OGA: variants seen among roughly 807,000 people sequenced by gnomAD.
OGA encodes O-GlcNAcase, also known as protein O-GlcNAcase.
In OGA, 21 loss-of-function variants were observed where a neutral mutation model predicts 102.0. That is an observed-to-expected ratio of 0.21 (90% CI 0.15 to 0.30). The LOEUF is 0.30. OGA is among the 10% of genes least tolerant of loss of function. The pLI is 1.00. For missense variants in OGA, 765 were observed against 1,107.8 expected, an observed-to-expected ratio of 0.69 and a Z score of 4.39; for synonymous variants, 408 against 378.2, an observed-to-expected ratio of 1.08 and a Z score of -0.91.
chr10:101,807,816 C>G lies in OGA; in HGVS notation c.566G>C (p.Ser189Thr). ...NMCAADKEVF[S>T]SFAHAQVSIT... The stretch of plus-strand genomic sequence containing the variant: ...GGAGACTTGGGCATGAGCAAAAGAA[C>G]TGAATACCTCTTTGTCTGCTGCACA... Residue 189 changes from serine (S) to threonine (T), a missense_variant, in exon 5 of 16, where the codon AGT becomes ACT. This residue lies in a region of OGA where 165 missense variants were observed against 249.7 expected (regional missense o/e 0.66). Transcript: ENST00000361464. The G allele has an allele frequency of 6.2e-7, 1 of 1,611,022 alleles. No individual in the cohort carries two copies.
intron 12 of OGA, among the ~76,000 whole-genome samples, chr10:101,791,727 T>G (rs1589824357): frequency 6.6e-6 from 1 of 151,016 alleles, no homozygotes; most frequent in Non-Finnish European, 1.5e-5. Context: ...AGTGCAGTGG[T>G]GCAATCTCGG....
At chr10:101,798,188 GT>G in intron 9 of OGA, 34 bp from the exon 10 acceptor site, 1 of 1,597,998 alleles carries the variant, frequency 6.3e-7, no homozygotes, top group Non-Finnish European at 8.5e-7. Flanking sequence ...TCAAAAAACT[GT>G]AAGCTTAACA....
intron 11 of OGA, 93 bp downstream of exon 11, chr10:101,793,820 G>C (rs1343804121): frequency 1.1e-6 from 1 of 937,054 alleles, no homozygotes; most frequent in Admixed American, 2.1e-5. Context: ...GAAAGCCTTC[G>C]GCAGACCAAT....
chr10:101,792,974 G>A (rs767197658), intron 11 of OGA, 31 bp from the exon 12 acceptor site: 1 of 1,560,318 alleles, frequency 6.4e-7, no homozygotes, highest in Non-Finnish European at 8.8e-7. Context: ...AGATGGATTA[G>A]TTTGGGGAAG....
chr10:101,816,443 A>G (rs1392845992), intron 1 of OGA, among the ~76,000 whole-genome samples: 5 of 152,204 alleles, frequency 3.3e-5, no homozygotes. Context: ...TTTAAACCAA[A>G]TGAGTTTTCT....
Position 101,810,284 on chromosome 10 carries a change from C to T in OGA, c.380G>A (p.Arg127Gln), listed in dbSNP as rs765200911. Residue 127 changes from arginine to glutamine, a missense_variant, in exon 4 of 16, where the codon CGA (arginine) becomes CAA (glutamine). Transcript: ENST00000361464. Reference protein sequence around the residue: ...EQLMTLISAAREYEIEFIYAI... With the variant: ...EQLMTLISAAQEYEIEFIYAI... ...ATAGATGAACTCTATCTCATATTCT[C>T]GTGCAGCAGAGATGAGAGTCATAAG... is the stretch of plus-strand genomic sequence containing the variant. 2.4e-5 allele frequency: 39 copies of T among 1,612,558 alleles called. 1 individual carries two copies. The Middle Eastern group carries it at 4.5e-3, about 184-fold the overall frequency.
At position 101,791,320 on chromosome 10, in the gene OGA, G is replaced by C. The variant is rs144300964; in HGVS notation, c.2261+34C>G. 5 of 1,535,886 alleles carry C rather than the reference G, an allele frequency of 3.3e-6. No homozygotes were observed. In the African/African-American group the frequency reaches 5.5e-5, roughly 17 times the overall value. ...CAACCTGATAAGCCTCACTATGAAAGGTCTACTCTCAAATCCAAATACTTA... is the reference window on the plus strand; with the variant it reads ...CAACCTGATAAGCCTCACTATGAAACGTCTACTCTCAAATCCAAATACTTA... On this transcript the variant is annotated intron_variant, in intron 13 of 15. Coordinates refer to ENST00000361464, the MANE Select transcript of OGA (RefSeq NM_012215.5).
intron 5 of OGA, among the ~76,000 whole-genome samples, chr10:101,807,507 C>G (rs948096172): frequency 6.6e-6 from 1 of 152,152 alleles, no homozygotes; most frequent in Non-Finnish European, 1.5e-5. Context: ...TCATATACTT[C>G]CAGTACTTAA....
chr10:101,811,696 A>C (rs2065561063), intron 3 of OGA, among the ~76,000 whole-genome samples: 1 of 152,158 alleles, frequency 6.6e-6, no homozygotes, highest in Non-Finnish European at 1.5e-5. Flanking sequence ...GCTGTCTCCA[A>C]AAAAAGAAAA....
rs1020611575 is a variant in OGA at position 101,784,768 on chromosome 10, T to C, written c.*1683A>G. The C allele has an allele frequency of 6.6e-6, 1 of 152,238 alleles. No homozygotes were observed. Among genetic ancestry groups the C allele is most frequent in the African/African-American group, 2.4e-5 (1 of 41,462 alleles). 9.4% of individuals were successfully genotyped at this position (152,238 alleles called of 1,614,324 possible). A position where few individuals can be genotyped will look rare whatever the true frequency, so the allele number is the denominator to read the frequency against. On this transcript the variant is annotated 3_prime_UTR_variant, in exon 16 of 16. Coordinates refer to ENST00000361464, the MANE Select transcript of OGA (RefSeq NM_012215.5). Reference sequence around the variant, plus strand: ...ACAAAATGCTAGAATTGTCCACTAGTGTTAAGACGAGAAAACTGAGGAAAA... The same window carrying C: ...ACAAAATGCTAGAATTGTCCACTAGCGTTAAGACGAGAAAACTGAGGAAAA...
intron 9 of OGA, 110 bp downstream of exon 9, chr10:101,798,732 A>C: frequency 1.5e-6 from 2 of 1,355,516 alleles, no homozygotes; most frequent in Non-Finnish European, 2.0e-6. Flanking sequence ...ATATTCTAAA[A>C]CATGGTCAAT....
chr10:101,805,968 T>C (rs1225142129), intron 6 of OGA, 77 bp downstream of exon 6: 5 of 993,546 alleles, frequency 5.0e-6, no homozygotes, highest in East Asian at 2.5e-5. Context: ...AAAAAAAGTA[T>C]TCAATTAACA....
Position 101,798,038 on chromosome 10 carries a change from G to A in OGA, c.1926C>T (p.Ser642=), listed in dbSNP as rs770816843. 1.9e-6 allele frequency: 3 copies of A among 1,613,930 alleles called. No individual in the cohort carries two copies. Among genetic ancestry groups the A allele is most frequent in the Non-Finnish European group, 2.5e-6 (3 of 1,179,866 alleles). The part of the protein sequence containing the change: ...ANRTILYDMY[S]YVWDIKSIMS... The stretch of plus-strand genomic sequence containing the variant: ...TTATACTCTTGATATCCCAAACATA[G>A]GAGTACATGTCATAAAGAATTGTCC... The change falls in exon 10 of 16, where the codon TCC becomes TCT. Residue 642 remains serine (S), a synonymous_variant. Coordinates refer to ENST00000361464, the MANE Select transcript of OGA (RefSeq NM_012215.5).
chr10:101,798,083 C>G lies in OGA; in HGVS notation c.1881G>C (p.Arg627=). The G allele has an allele frequency of 6.2e-7, 1 of 1,614,018 alleles. No individual in the cohort carries two copies. The highest frequency in any genetic ancestry group is 8.5e-7 in the Non-Finnish European group (1 of 1,179,950). ...MCGLVMGMFT[R]LSNCANRTIL... ...TTGTCCTGTTGGCACAATTGGAGAG[C>G]CGAGTGAACATTCCCATCACTAGTC... Residue 627 remains arginine (R), a synonymous_variant, in exon 10 of 16, where the codon CGG becomes CGC. Coordinates refer to ENST00000361464, the MANE Select transcript of OGA (RefSeq NM_012215.5).
At chr10:101,817,686 T>TC in intron 1 of OGA, 138 bp downstream of exon 1, 1 of 965,272 alleles carries the variant, frequency 1.0e-6, no homozygotes, top group Non-Finnish European at 1.5e-6. Context: ...ATCTCGTCTC[T>TC]CCCCTCGCTT....
Position 101,816,540 on chromosome 10 carries a change from C to T in OGA, c.199+1284G>A, listed in dbSNP as rs187032883. On this transcript the variant is annotated intron_variant, in intron 1 of 15. Transcript: ENST00000361464. ...CCGAAATTTCCCAGCACTCTCTCAT[C>T]CCCACTCCAAGATCTTTGATAACAA... is the stretch of plus-strand genomic sequence containing the variant. Among the ~76,000 whole-genome samples the T allele has an allele frequency of 4.0e-3, 612 of 152,318 alleles. 8 individuals are homozygous for T. Among genetic ancestry groups the T allele is most frequent in the African/African-American group, 0.014 (567 of 41,568 alleles).
intron 3 of OGA, 134 bp from the exon 4 acceptor site, chr10:101,810,448 T>C: frequency 6.2e-6 from 5 of 811,568 alleles, no homozygotes; most frequent in Middle Eastern, 3.6e-4. Context: ...CAAATTGTCA[T>C]GTCCAACTTA....
intron 1 of OGA, among the ~76,000 whole-genome samples, chr10:101,815,637 G>A (rs879354352): frequency 1.1e-4 from 17 of 149,130 alleles, no homozygotes; most frequent in Admixed American, 2.7e-4. Flanking sequence ...GCATCCCTAC[G>A]GCACTTAGCA....
intron 3 of OGA, chr10:101,812,711 C>T: frequency 2.6e-6 from 1 of 380,478 alleles, no homozygotes; most frequent in South Asian, 2.5e-5. Context: ...TTGCCTTGCC[C>T]TGGGCCTAGC....
Sources: allele counts gnomAD v4.1 joint callset (sites outside exome capture counted in the v4.1 genomes callset), GRCh38; gene constraint gnomAD v4.1.1; regional missense constraint gnomAD v4.1.1; transcripts MANE v1.5; gene names NCBI Gene and HGNC (gene_info 2026-07-23, HGNC 2026-07-21).